The following ZNF385B variants were observed in gnomAD, a reference collection of about 807,000 sequenced individuals.
ZNF385B encodes the protein zinc finger protein 385B.
ZNF385B carries 23 observed loss-of-function variants against 39.2 expected under a neutral mutation model. The observed-to-expected ratio is 0.59, with a 90% CI of 0.42 to 0.83. The LOEUF is 0.83. ZNF385B is among the 40% of genes least tolerant of loss of function. ZNF385B has a pLI of 0.00. For synonymous variants in ZNF385B, 205 were observed against 222.6 expected, an observed-to-expected ratio of 0.92 and a Z score of 0.70; for missense variants, 552 against 598.9, an observed-to-expected ratio of 0.92 and a Z score of 0.82.
intron 1 of ZNF385B, chr2:179,814,619 C>A: frequency 1.9e-6 from 1 of 540,116 alleles, no homozygotes; most frequent in South Asian, 1.7e-5. Context: ...GTAGGGCCCT[C>A]AATGGTGGCG....
In ZNF385B at chr2:179,631,899, A is replaced by T. The variant is rs773435509; in HGVS notation, c.299-86930T>A. ...AACAAACAGTGGTTGCAATCCTAGTATCTGATAAAACAGACTTTAAACCAA... is the reference window on the plus strand; with the variant it reads ...AACAAACAGTGGTTGCAATCCTAGTTTCTGATAAAACAGACTTTAAACCAA... On this transcript the variant is annotated intron_variant, in intron 3 of 9. Transcript: ENST00000410066. Among the ~76,000 whole-genome samples, 125 of 152,214 alleles carry T rather than the reference A, an allele frequency of 8.2e-4. 1 individual carries two copies. Among genetic ancestry groups the T allele is most frequent in the Middle Eastern group, 3.4e-3 (1 of 294 alleles).
intron 3 of ZNF385B, among the ~76,000 whole-genome samples, chr2:179,733,253 C>G (rs1184717228): frequency 6.6e-6 from 1 of 152,182 alleles, no homozygotes; most frequent in African/African-American, 2.4e-5. Flanking sequence ...ACAAGGGCAA[C>G]AGGCTGGATC....
chr2:179,596,460 T>C (rs1176228419), intron 3 of ZNF385B, among the ~76,000 whole-genome samples: 1 of 152,220 alleles, frequency 6.6e-6, no homozygotes, highest in Non-Finnish European at 1.5e-5. Context: ...AGTGAATCTC[T>C]TGTGGATGAC....
At chr2:179,753,545 C>T (rs920037342) in intron 3 of ZNF385B, among the ~76,000 whole-genome samples, 8 of 152,130 alleles carry the variant, frequency 5.3e-5, no homozygotes, top group Non-Finnish European at 1.0e-4. Flanking sequence ...GCCATTGTCA[C>T]GATATTTATT....
At chr2:179,566,552 G>A (rs1325893316) in intron 3 of ZNF385B, among the ~76,000 whole-genome samples, 2 of 152,058 alleles carry the variant, frequency 1.3e-5, no homozygotes, top group Admixed American at 6.5e-5. Flanking sequence ...GTATTCGAAT[G>A]GTTACTTTTC....
chr2:179,599,031 A>G (rs1209570297), intron 3 of ZNF385B, among the ~76,000 whole-genome samples: 1 of 152,208 alleles, frequency 6.6e-6, no homozygotes, highest in Non-Finnish European at 1.5e-5. Flanking sequence ...ATTCTAAAAT[A>G]TGTGAGGAAT....
At chr2:179,493,490 A>AAC (rs1305699391) in intron 5 of ZNF385B, among the ~76,000 whole-genome samples, 1 of 36,272 alleles carries the variant, frequency 2.8e-5, no homozygotes, top group Non-Finnish European at 7.1e-5. Flanking sequence ...CATATGTATA[A>AAC]ACGTGTGTGT....
intron 1 of ZNF385B, among the ~76,000 whole-genome samples, chr2:179,813,118 A>C (rs915997041): frequency 5.3e-5 from 8 of 152,158 alleles, no homozygotes; most frequent in African/African-American, 1.7e-4. Flanking sequence ...AAAGATCATC[A>C]CTATCTCATG....
At chr2:179,610,204 T>G (rs556573896) in intron 3 of ZNF385B, among the ~76,000 whole-genome samples, 9 of 152,318 alleles carry the variant, frequency 5.9e-5, no homozygotes, top group African/African-American at 1.9e-4. Flanking sequence ...GGTCGTAGTC[T>G]TTAATTCATT....
intron 3 of ZNF385B, among the ~76,000 whole-genome samples, chr2:179,601,519 T>G (rs914672680): frequency 2.0e-5 from 3 of 152,180 alleles, no homozygotes; most frequent in Non-Finnish European, 4.4e-5. Flanking sequence ...TTTATGTTGC[T>G]AGTTCTACTT....
At chr2:179,755,963 G>C (rs984718501) in intron 3 of ZNF385B, among the ~76,000 whole-genome samples, 11 of 152,166 alleles carry the variant, frequency 7.2e-5, no homozygotes, top group African/African-American at 2.7e-4. Flanking sequence ...GTGTGAATTT[G>C]ATCCTGTCAT....
intron 1 of ZNF385B, among the ~76,000 whole-genome samples, chr2:179,770,885 T>C (rs2106506517): frequency 6.6e-6 from 1 of 152,312 alleles, no homozygotes; most frequent in East Asian, 1.9e-4. Flanking sequence ...TGCCATTTTA[T>C]TTTTTTCAGT....
At chr2:179,493,747 G>GCA (rs2055729483) in intron 5 of ZNF385B, among the ~76,000 whole-genome samples, 5 of 98,146 alleles carry the variant, frequency 5.1e-5, no homozygotes, top group Non-Finnish European at 4.5e-5. Context: ...GTATACATAT[G>GCA]TGTATATACA....
At chr2:179,572,187 T>C (rs1404440893) in intron 3 of ZNF385B, among the ~76,000 whole-genome samples, 2 of 152,078 alleles carry the variant, frequency 1.3e-5, no homozygotes, top group Non-Finnish European at 2.9e-5. Flanking sequence ...AATTCTAAAA[T>C]AATACCTGGC....
At chr2:179,483,161 C>T in intron 6 of ZNF385B, 111 bp downstream of exon 6, 2 of 1,255,198 alleles carry the variant, frequency 1.6e-6, no homozygotes, top group Non-Finnish European at 2.2e-6. Flanking sequence ...ATTAATATCA[C>T]AAAAACAAAT....
At chr2:179,562,305 T>C in intron 3 of ZNF385B, 4 of 855,894 alleles carry the variant, frequency 4.7e-6, no homozygotes, top group Non-Finnish European at 5.6e-6. Context: ...TTTTCTCTTT[T>C]TCTGAAATTC....
chr2:179,842,598 A>C (rs1047324732), intron 1 of ZNF385B, among the ~76,000 whole-genome samples: 43 of 152,054 alleles, frequency 2.8e-4, no homozygotes, highest in Admixed American at 2.8e-3. Flanking sequence ...TTTCCTTGTA[A>C]GATTTTATTT....
intron 1 of ZNF385B, among the ~76,000 whole-genome samples, chr2:179,851,340 C>CT (rs1378483706): frequency 6.6e-6 from 1 of 152,174 alleles, no homozygotes; most frequent in Non-Finnish European, 1.5e-5. Flanking sequence ...GTCCTAGCTA[C>CT]TTTGTAGGCT....
intron 3 of ZNF385B, among the ~76,000 whole-genome samples, chr2:179,699,182 T>C (rs10167651): frequency 0.12 from 17,769 of 152,084 alleles, 1,490 homozygotes; most frequent in African/African-American, 0.23. Context: ...GCATTAAGTA[T>C]ATTCATATTG....
Sources: allele counts gnomAD v4.1 joint callset (sites outside exome capture counted in the v4.1 genomes callset), GRCh38; gene constraint gnomAD v4.1.1; transcripts MANE v1.5; gene names NCBI Gene and HGNC (gene_info 2026-07-23, HGNC 2026-07-21).